Variants in GATAD2B observed in about 807,000 individuals in gnomAD.
The protein encoded by GATAD2B is GATA zinc finger domain containing 2B, also known as transcriptional repressor p66-beta.
Under a neutral mutation model 64.3 loss-of-function variants are expected in GATAD2B, and 8 were observed. The ratio of observed to expected loss-of-function variants is 0.12; its 90% CI spans 0.07 to 0.22. GATAD2B has a LOEUF of 0.22. Among genes scored for constraint, GATAD2B ranks in the 10% least tolerant of loss-of-function variants. GATAD2B has a pLI of 1.00. For synonymous variants in GATAD2B, 281 were observed against 271.3 expected, an observed-to-expected ratio of 1.04 and a Z score of -0.35; for missense variants, 453 against 752.0, an observed-to-expected ratio of 0.60 and a Z score of 4.65.
rs1359100147 is a variant in GATAD2B, at chr1:153,810,325, C to T, written c.1649-15G>A. Reference sequence around the variant, plus strand: ...AATGTTGACACCTGGACCCAGGAGACAAAAGTGGAGGGCAGGTATTAAAAG... The same window carrying T: ...AATGTTGACACCTGGACCCAGGAGATAAAAGTGGAGGGCAGGTATTAAAAG... On this transcript the variant is annotated splice_polypyrimidine_tract_variant and intron_variant, in intron 10 of 10. Transcript: ENST00000368655. The T allele has an allele frequency of 6.2e-7, 1 of 1,610,640 alleles. No individual in the cohort carries two copies.
At chr1:153,890,016 T>C (rs1312745233) in intron 1 of GATAD2B, among the ~76,000 whole-genome samples, 2 of 150,976 alleles carry the variant, frequency 1.3e-5, no homozygotes, top group African/African-American at 4.9e-5. Context: ...TTACTAAAGA[T>C]ACAAAAAATT....
In GATAD2B at chr1:153,808,533, A is replaced by C. The variant is rs1674176961; in HGVS notation, c.*1644T>G. The C allele has an allele frequency of 6.6e-6, 1 of 152,614 alleles. No individual in the cohort carries two copies. The highest frequency in any genetic ancestry group is 6.5e-5 in the Admixed American group (1 of 15,268). 9.5% of individuals were successfully genotyped at this position (152,614 alleles called of 1,614,324 possible). On this transcript the variant is annotated 3_prime_UTR_variant, in exon 11 of 11. Coordinates refer to ENST00000368655, the MANE Select transcript of GATAD2B (RefSeq NM_020699.4). ...GGGGAAACTTCCTCAGGTGACTTTC[A>C]AGGGCAAAATATTAAACTTCTCCTC...
chr1:153,811,907 C>T, intron 9 of GATAD2B, 59 bp from the exon 10 acceptor site: 1 of 1,322,056 alleles, frequency 7.6e-7, no homozygotes, highest in Non-Finnish European at 1.1e-6. Flanking sequence ...TAAGCGGGGG[C>T]AAAGATAAGG....
intron 1 of GATAD2B, among the ~76,000 whole-genome samples, chr1:153,838,546 G>T (rs562099937): frequency 1.3e-5 from 2 of 151,832 alleles, no homozygotes; most frequent in Non-Finnish European, 2.9e-5. Context: ...CTGTCATCCA[G>T]TCTGGAGTAC....
intron 1 of GATAD2B, among the ~76,000 whole-genome samples, chr1:153,911,213 C>T (rs1678099418): frequency 6.6e-6 from 1 of 152,102 alleles, no homozygotes; most frequent in Admixed American, 6.6e-5. Flanking sequence ...ACTATTTGCT[C>T]ATATCCAGCC....
At position 153,831,277 on chromosome 1, in the gene GATAD2B, T is replaced by G. The variant is rs190134381; in HGVS notation, c.-1-2929A>C. ...GCCTGTTTTCACTCGTAAGTGGGAG[T>G]TGAACAATGAGAACACATGGACACA... On this transcript the variant is annotated intron_variant, in intron 1 of 10. Coordinates refer to ENST00000368655, the MANE Select transcript of GATAD2B (RefSeq NM_020699.4). Among the ~76,000 whole-genome samples the G allele has an allele frequency of 3.3e-5, 5 of 151,520 alleles. No homozygotes were observed. The South Asian group carries it at 1.0e-3, about 32-fold the overall frequency.
intron 1 of GATAD2B, among the ~76,000 whole-genome samples, chr1:153,854,540 A>T (rs1676015951): frequency 6.6e-6 from 1 of 152,196 alleles, no homozygotes; most frequent in Non-Finnish European, 1.5e-5. Flanking sequence ...GTCCCTGAGA[A>T]TTTTCCTTAA....
chr1:153,851,202 TTATC>T (rs968965010), intron 1 of GATAD2B, among the ~76,000 whole-genome samples: 6 of 152,230 alleles, frequency 3.9e-5, no homozygotes, highest in African/African-American at 1.4e-4. Flanking sequence ...ACATAGTTAT[TTATC>T]TTTCTGTGAC....
chr1:153,857,499 C>G (rs1025700806), intron 1 of GATAD2B, among the ~76,000 whole-genome samples: 1 of 152,048 alleles, frequency 6.6e-6, no homozygotes, highest in Non-Finnish European at 1.5e-5. Flanking sequence ...TCATAGAAAA[C>G]GGATGCCCTT....
At chr1:153,910,857 GCTATGA>G (rs1678091280) in intron 1 of GATAD2B, among the ~76,000 whole-genome samples, 1 of 152,172 alleles carries the variant, frequency 6.6e-6, no homozygotes, top group African/African-American at 2.4e-5. Context: ...GCTAGGCTAA[GCTATGA>G]CGTTTAGTAG....
intron 1 of GATAD2B, among the ~76,000 whole-genome samples, chr1:153,899,720 C>T (rs892889087): frequency 1.5e-4 from 23 of 152,218 alleles, no homozygotes; most frequent in African/African-American, 5.5e-4. Flanking sequence ...TGAAGACAGA[C>T]AGTTCTCATT....
chr1:153,861,959 G>T (rs983814705), intron 1 of GATAD2B, among the ~76,000 whole-genome samples: 1 of 149,686 alleles, frequency 6.7e-6, no homozygotes, highest in Non-Finnish European at 1.5e-5. Context: ...AAACAATTCC[G>T]CATACTGCAA....
chr1:153,816,889 G>C lies in GATAD2B; in HGVS notation c.901-301C>G, dbSNP rs1354992349. ...ACTTGAGGTGAGGAGTTTGAGACCA[G>C]CCTGGCCAACATGGTCAAACTCTGT... On this transcript the variant is annotated intron_variant, in intron 6 of 10. Coordinates refer to ENST00000368655, the MANE Select transcript of GATAD2B (RefSeq NM_020699.4). The surrounding 1 kb of genome is among the most constrained non-coding windows in gnomAD (Gnocchi z 4.9). 6.6e-6 allele frequency among the ~76,000 whole-genome samples: 1 copy of C among 152,144 alleles called. No homozygotes were observed.
At chr1:153,861,862 ATGTATATATATGTG>A (rs1676305692) in intron 1 of GATAD2B, among the ~76,000 whole-genome samples, 1 of 146,080 alleles carries the variant, frequency 6.8e-6, no homozygotes, top group Admixed American at 7.0e-5. Context: ...ATATGTATAT[ATGTATATATATGTG>A]TATATATATA....
chr1:153,881,863 G>T (rs574654805), intron 1 of GATAD2B, among the ~76,000 whole-genome samples: 2 of 151,808 alleles, frequency 1.3e-5, no homozygotes, highest in Non-Finnish European at 2.9e-5. Flanking sequence ...CTTTTCTACC[G>T]TAAGAGAAGC....
At chr1:153,907,283 C>A (rs1677974046) in intron 1 of GATAD2B, among the ~76,000 whole-genome samples, 1 of 152,132 alleles carries the variant, frequency 6.6e-6, no homozygotes, top group Non-Finnish European at 1.5e-5. Context: ...AATGGATAAA[C>A]AAAATGAGAT....
chr1:153,892,769 A>C (rs563438250), intron 1 of GATAD2B, among the ~76,000 whole-genome samples: 6 of 119,598 alleles, frequency 5.0e-5, no homozygotes, highest in Non-Finnish European at 9.6e-5. Context: ...ATCTTGGCTT[A>C]TTGCAACCTC....
intron 1 of GATAD2B, among the ~76,000 whole-genome samples, chr1:153,888,544 G>T (rs996494919): frequency 3.3e-5 from 5 of 152,122 alleles, no homozygotes; most frequent in Non-Finnish European, 5.9e-5. Flanking sequence ...TCTTTGCAGG[G>T]GGACCAAGTT....
At chr1:153,857,052 T>C (rs1676108023) in intron 1 of GATAD2B, among the ~76,000 whole-genome samples, 1 of 152,042 alleles carries the variant, frequency 6.6e-6, no homozygotes, top group Non-Finnish European at 1.5e-5. Context: ...TGGACTACTA[T>C]GTCTTCCTTT....
Sources: allele counts gnomAD v4.1 joint callset (sites outside exome capture counted in the v4.1 genomes callset), GRCh38; gene constraint gnomAD v4.1.1; non-coding constraint Gnocchi (gnomAD v3.1); transcripts MANE v1.5; gene names NCBI Gene and HGNC (gene_info 2026-07-23, HGNC 2026-07-21).